The following ZNF730 variants were observed in gnomAD, a reference collection of about 807,000 sequenced individuals.
ZNF730 encodes the protein putative zinc finger protein 730.
ZNF730 carries 12 observed loss-of-function variants against 12.6 expected under a neutral mutation model. The ratio of observed to expected loss-of-function variants is 0.95; its 90% CI spans 0.61 to 1.54. The LOEUF is 1.54. ZNF730 is among the 40% of genes most tolerant of loss of function. ZNF730 has a pLI of 0.00. For synonymous variants in ZNF730, 194 were observed against 195.8 expected (o/e 0.99, Z 0.08); for missense variants, 643 against 583.5 (o/e 1.10, Z -1.05).
chr19:23,088,620 CG>C (rs1381578684), intron 1 of ZNF730, among the ~76,000 whole-genome samples: 1 of 150,856 alleles, frequency 6.6e-6, no homozygotes, highest in Non-Finnish European at 1.5e-5. Context: ...TGTGCTACCA[CG>C]CCTGGCTAAT....
rs1327478386 is a variant in ZNF730, at chr19:23,145,914, C to A, written c.870C>A (p.Gly290=). 1.2e-5 allele frequency: 19 copies of A among 1,610,680 alleles called. No homozygotes were observed. In the Admixed American group the frequency reaches 1.3e-4, roughly 11 times the overall value. The change falls in exon 4 of 4, where the codon GGC becomes GGA. Residue 290 remains glycine, a synonymous_variant. Coordinates refer to ENST00000597761, the MANE Select transcript of ZNF730 (RefSeq NM_001277403.2). ...AACCCTATAAATGTGAAGAATGTGG[C>A]AAAGCCTTTAACCAGTCCTCAAACC... The part of the protein sequence containing the change: ...GEKPYKCEEC[G]KAFNQSSNLT...
chr19:23,095,200 A>C (rs1305903352), intron 1 of ZNF730: 1 of 394,220 alleles, frequency 2.5e-6, no homozygotes, highest in East Asian at 3.6e-5. Flanking sequence ...CAGAGGACAT[A>C]GTGACATATC....
chr19:23,143,084 AAC>A (rs1421271795), intron 3 of ZNF730, among the ~76,000 whole-genome samples: 1 of 152,044 alleles, frequency 6.6e-6, no homozygotes, highest in South Asian at 2.1e-4. Context: ...CTCTACTAAA[AAC>A]ACAAAAAATT....
rs554039680 is a variant in ZNF730 at position 23,147,054 on chromosome 19, G to A, written c.*498G>A. ...TTCATACTGGAGAAAACTTCTACAA[G>A]TGTAAACAAAGTGGCAAAACTTTTA... On this transcript the variant is annotated 3_prime_UTR_variant, in exon 4 of 4. Coordinates refer to ENST00000597761, the MANE Select transcript of ZNF730 (RefSeq NM_001277403.2). 4.0e-4 allele frequency: 106 copies of A among 262,694 alleles called. No individual in the cohort carries two copies. The highest frequency in any genetic ancestry group is 2.3e-3 in the African/African-American group (103 of 44,744). 16.3% of individuals were successfully genotyped at this position (262,694 alleles called of 1,614,324 possible). A position where few individuals can be genotyped will look rare whatever the true frequency, so the allele number is the denominator to read the frequency against.
upstream of ZNF730, among the ~76,000 whole-genome samples, chr19:23,116,279 T>C (rs1276449998): frequency 7.0e-6 from 1 of 142,928 alleles, no homozygotes; most frequent in Non-Finnish European, 1.6e-5. Context: ...CAGATAGTGA[T>C]CTACCTGTGG....
chr19:23,100,630 CTTTTTTTTTTTTTTTTTTTTTTTT>C (rs201462781), intron 1 of ZNF730, among the ~76,000 whole-genome samples: 5 of 118,554 alleles, frequency 4.2e-5, no homozygotes, highest in African/African-American at 7.9e-5. Context: ...GATGGTGATT[CTTTTTTTTTTTTTTTTTTTTTTTT>C]TTTTTTTTTT....
intron 1 of ZNF730, 21 bp from the exon 2 acceptor site, chr19:23,134,059 G>A (rs1276575750): frequency 1.9e-6 from 3 of 1,611,642 alleles, no homozygotes; most frequent in Non-Finnish European, 2.5e-6. Flanking sequence ...GTAAATATGT[G>A]TGTTTGTTTG....
intron 1 of ZNF730, among the ~76,000 whole-genome samples, chr19:23,089,266 G>A (rs985817039): frequency 6.6e-6 from 1 of 152,096 alleles, no homozygotes; most frequent in African/African-American, 2.4e-5. Flanking sequence ...GAGTGTAGTG[G>A]TGTGATCTCG....
At chr19:23,143,551 A>C (rs750013988) in intron 3 of ZNF730, 34 of 152,310 alleles carry the variant, frequency 2.2e-4, no homozygotes, top group Non-Finnish European at 4.1e-4. Context: ...TATTTTCTTG[A>C]ATCCTTTTAT....
chr19:23,103,939 A>G (rs1417103962), intron 1 of ZNF730, among the ~76,000 whole-genome samples: 1 of 152,148 alleles, frequency 6.6e-6, no homozygotes. Flanking sequence ...ATATTAAACT[A>G]TAGAACTTTC....
At chr19:23,140,017 G>A (rs1475281584) in intron 3 of ZNF730, among the ~76,000 whole-genome samples, 1 of 151,880 alleles carries the variant, frequency 6.6e-6, no homozygotes, top group East Asian at 1.9e-4. Context: ...AGTCAATGTG[G>A]GATATAATTA....
At chr19:23,142,367 G>A (rs1970934448) in intron 3 of ZNF730, among the ~76,000 whole-genome samples, 1 of 146,330 alleles carries the variant, frequency 6.8e-6, no homozygotes, top group African/African-American at 2.5e-5. Flanking sequence ...TTTTTAAAAT[G>A]TTTAATAAAT....
chr19:23,134,281 T>C, intron 2 of ZNF730, 75 bp downstream of exon 2: 1 of 1,297,742 alleles, frequency 7.7e-7, no homozygotes, highest in Non-Finnish European at 1.0e-6. Flanking sequence ...TTCTGTGCTT[T>C]CAGATCCCGG....
chr19:23,084,673 T>A (rs1970027760), intron 1 of ZNF730, among the ~76,000 whole-genome samples: 1 of 152,208 alleles, frequency 6.6e-6, no homozygotes, highest in Admixed American at 6.5e-5. Flanking sequence ...CCATGTGTTC[T>A]CATTATTTAC....
Position 23,146,923 on chromosome 19 carries a change from T to C in ZNF730, c.*367T>C. 1 of 442,590 alleles carries C rather than the reference T, an allele frequency of 2.3e-6. No individual in the cohort carries two copies. The highest frequency in any genetic ancestry group is 4.2e-6 in the Non-Finnish European group (1 of 240,336). 27.4% of individuals were successfully genotyped at this position (442,590 alleles called of 1,614,324 possible). The stretch of plus-strand genomic sequence containing the variant: ...TTTTAACAGTGCTTTTGACAACACC[T>C]CAAACTTTTCCAGATGTCAAAGAAA... On this transcript the variant is annotated 3_prime_UTR_variant, in exon 4 of 4. Transcript: ENST00000597761.
chr19:23,116,555 C>T (rs1252979143), upstream of ZNF730, among the ~76,000 whole-genome samples: 11 of 147,780 alleles, frequency 7.4e-5, no homozygotes, highest in Non-Finnish European at 1.2e-4. Context: ...TACAGGCGCG[C>T]GCCACTACTC....
At chr19:23,095,132 A>T (rs954443255) in intron 1 of ZNF730, 3 of 371,254 alleles carry the variant, frequency 8.1e-6, no homozygotes, top group Non-Finnish European at 1.4e-5. Flanking sequence ...GGATTGTGAC[A>T]TATCACTGGA....
At chr19:23,130,743 AC>A (rs1433587352) in intron 1 of ZNF730, among the ~76,000 whole-genome samples, 1 of 152,242 alleles carries the variant, frequency 6.6e-6, no homozygotes, top group East Asian at 1.9e-4. Flanking sequence ...GGTTTAAATT[AC>A]ACAAACTCTG....
intron 1 of ZNF730, among the ~76,000 whole-genome samples, chr19:23,120,549 T>C (rs1216151950): frequency 6.6e-6 from 1 of 152,096 alleles, no homozygotes; most frequent in African/African-American, 2.4e-5. Flanking sequence ...TTGTGTTTAT[T>C]TGGTTCTTCT....
Sources: gnomAD v4.1 joint callset for allele counts (sites outside exome capture counted in the v4.1 genomes callset) on GRCh38, gnomAD v4.1.1 for gene constraint, MANE v1.5 for transcripts, NCBI Gene and HGNC (gene_info 2026-07-23, HGNC 2026-07-21) for gene names.